PPHLN1: variants seen among roughly 807,000 people sequenced by gnomAD.
The protein encoded by PPHLN1 is periphilin 1.
In PPHLN1, 29 loss-of-function variants were observed where a neutral mutation model predicts 51.3. The observed-to-expected ratio is 0.57, with a 90% CI of 0.42 to 0.77. The LOEUF is 0.77. Among genes scored for constraint, PPHLN1 ranks in the 30% least tolerant of loss-of-function variants. The probability of loss-of-function intolerance (pLI) is 0.00; values close to 1 mark genes in which losing one functional copy is unlikely to be tolerated. For synonymous variants in PPHLN1, 147 were observed against 147.8 expected (o/e 0.99, Z 0.04); for missense variants, 436 against 438.4 (o/e 0.99, Z 0.05).
chr12:42,424,873 A>T (rs1186757098), intron 9 of PPHLN1, among the ~76,000 whole-genome samples: 2 of 134,492 alleles, frequency 1.5e-5, no homozygotes, highest in African/African-American at 2.8e-5. Flanking sequence ...TAAACTATTT[A>T]CAAAATTGTT....
chr12:42,363,360 C>T lies in PPHLN1; in HGVS notation c.299+8138C>T, dbSNP rs1050338077. On this transcript the variant is annotated intron_variant, in intron 4 of 9. Coordinates refer to ENST00000358314, the MANE Select transcript of PPHLN1 (RefSeq NM_201439.2). The stretch of plus-strand genomic sequence containing the variant: ...AAAAAATTTTTTTTGTAGTTTGCCA[C>T]CACTGGGTGGGTGTTACAGGGCCAC... Among the ~76,000 whole-genome samples, 2 of 151,368 alleles carry T rather than the reference C, an allele frequency of 1.3e-5. 1 individual carries two copies. The highest frequency in any genetic ancestry group is 6.4e-3 in the Middle Eastern group (2 of 314).
intron 6 of PPHLN1, among the ~76,000 whole-genome samples, chr12:42,385,249 G>A (rs1345208810): frequency 6.6e-6 from 1 of 152,152 alleles, no homozygotes; most frequent in East Asian, 1.9e-4. Flanking sequence ...TGGAAGATAG[G>A]ACCTGACAAC....
intron 9 of PPHLN1, among the ~76,000 whole-genome samples, chr12:42,429,258 GTT>G (rs909964021): frequency 6.6e-5 from 10 of 152,090 alleles, no homozygotes; most frequent in African/African-American, 2.4e-4. Context: ...GAATACATTG[GTT>G]TTTTTCCTAA....
intron 4 of PPHLN1, among the ~76,000 whole-genome samples, chr12:42,364,655 T>C (rs1453118742): frequency 1.3e-5 from 2 of 152,090 alleles, no homozygotes; most frequent in South Asian, 2.1e-4. Flanking sequence ...GGCAGGTGGC[T>C]CATGCTTGTA....
At chr12:42,342,977 T>C (rs12230915) in intron 2 of PPHLN1, among the ~76,000 whole-genome samples, 24,693 of 152,188 alleles carry the variant, frequency 0.16, 2,061 homozygotes, top group Admixed American at 0.2. Context: ...AAATAAATCC[T>C]TTAGTAAATC....
In PPHLN1 at chr12:42,347,888, TAC is replaced by T. The variant is rs563498940; in HGVS notation, c.73-3995_73-3994del. Among the ~76,000 whole-genome samples, 10 of 152,316 alleles carry T rather than the reference TAC, an allele frequency of 6.6e-5. No individual in the cohort carries two copies. The South Asian group carries it at 2.1e-3, about 32-fold the overall frequency. ...GGATAAGACACGAACGCTTTAAAAATACAGTCCTCTTTGCTACAGGCTCCTGC... is the reference window on the plus strand; with the variant it reads ...GGATAAGACACGAACGCTTTAAAAATAGTCCTCTTTGCTACAGGCTCCTGC... On this transcript the variant is annotated intron_variant, in intron 2 of 9. Transcript: ENST00000358314.
Position 42,336,317 on chromosome 12 carries a change from C to G in PPHLN1, c.72+343C>G, listed in dbSNP as rs535483965. ...TGCTCCTGCTGTTATTGGCTGTTAC[C>G]TATTTTTTTCTATATTCCTAAAAAT... On this transcript the variant is annotated intron_variant, in intron 2 of 9. Coordinates refer to ENST00000358314, the MANE Select transcript of PPHLN1 (RefSeq NM_201439.2). 3.6e-4 allele frequency among the ~76,000 whole-genome samples: 55 copies of G among 152,220 alleles called. 1 individual carries two copies. The highest frequency in any genetic ancestry group is 1.2e-3 in the African/African-American group (50 of 41,534).
intron 9 of PPHLN1, among the ~76,000 whole-genome samples, chr12:42,415,463 C>T (rs948512983): frequency 2.0e-5 from 3 of 152,242 alleles, no homozygotes; most frequent in Middle Eastern, 6.8e-3. Flanking sequence ...GAGCCACCGC[C>T]CCTAGCCAAA....
chr12:42,382,208 C>G (rs772178037), intron 5 of PPHLN1, among the ~76,000 whole-genome samples: 3 of 152,186 alleles, frequency 2.0e-5, no homozygotes, highest in Non-Finnish European at 4.4e-5. Flanking sequence ...GAAACTCTTG[C>G]AGAACTTCCT....
At chr12:42,346,835 C>T (rs976340494) in intron 2 of PPHLN1, among the ~76,000 whole-genome samples, 1 of 152,062 alleles carries the variant, frequency 6.6e-6, no homozygotes, top group African/African-American at 2.4e-5. Flanking sequence ...TGCATTTTCC[C>T]TGTGGTTAGT....
intron 9 of PPHLN1, among the ~76,000 whole-genome samples, chr12:42,439,655 A>G (rs1044321828): frequency 6.6e-6 from 1 of 152,172 alleles, no homozygotes; most frequent in African/African-American, 2.4e-5. Flanking sequence ...CTGGGACTAC[A>G]GACAGTGCCA....
At chr12:42,369,985 T>C (rs529338008) in intron 4 of PPHLN1, among the ~76,000 whole-genome samples, 2 of 152,366 alleles carry the variant, frequency 1.3e-5, no homozygotes, top group Admixed American at 6.5e-5. Context: ...GTTTCTTGTA[T>C]TTTTCAACTT....
At chr12:42,416,728 C>G (rs2080422566) in intron 9 of PPHLN1, among the ~76,000 whole-genome samples, 1 of 152,174 alleles carries the variant, frequency 6.6e-6, no homozygotes, top group African/African-American at 2.4e-5. Flanking sequence ...ACAGACCCTA[C>G]AAGTTAAAAG....
intron 9 of PPHLN1, among the ~76,000 whole-genome samples, chr12:42,434,936 G>A (rs923197375): frequency 4.6e-5 from 7 of 152,162 alleles, no homozygotes; most frequent in African/African-American, 1.7e-4. Flanking sequence ...CAGGCAATCT[G>A]CCCGCCCTGG....
chr12:42,333,378 T>C (rs546661074), intron 1 of PPHLN1, among the ~76,000 whole-genome samples: 247 of 152,308 alleles, frequency 1.6e-3, no homozygotes, highest in African/African-American at 5.7e-3. Context: ...GAAGTAGAAT[T>C]GCCAGGTCAA....
At chr12:42,326,805 C>T (rs987531326) in intron 1 of PPHLN1, among the ~76,000 whole-genome samples, 8 of 152,158 alleles carry the variant, frequency 5.3e-5, no homozygotes, top group African/African-American at 1.9e-4. Flanking sequence ...ACAGAAAAAT[C>T]AGAACGTAAT....
At chr12:42,382,183 G>A (rs1017933217) in intron 5 of PPHLN1, among the ~76,000 whole-genome samples, 44 of 152,156 alleles carry the variant, frequency 2.9e-4, no homozygotes, top group African/African-American at 9.9e-4. Context: ...CATTCAAGGA[G>A]TCACCAAATA....
At chr12:42,444,206 A>T (rs1440789015), downstream of PPHLN1, 1 of 151,978 alleles carries the variant, frequency 6.6e-6, no homozygotes, top group Non-Finnish European at 1.5e-5. Flanking sequence ...GGTCAATAAG[A>T]CCTCAAAAGG....
At chr12:42,407,757 A>G (rs950347725) in intron 9 of PPHLN1, among the ~76,000 whole-genome samples, 23 of 152,336 alleles carry the variant, frequency 1.5e-4, no homozygotes, top group African/African-American at 5.3e-4. Context: ...ACCTAATGCA[A>G]TGTAATGCTG....
Sources: allele counts gnomAD v4.1 joint callset (sites outside exome capture counted in the v4.1 genomes callset), GRCh38; gene constraint gnomAD v4.1.1; transcripts MANE v1.5; gene names NCBI Gene and HGNC (gene_info 2026-07-23, HGNC 2026-07-21).